OXR1: variants seen among roughly 807,000 people sequenced by gnomAD.
OXR1 encodes the protein oxidation resistance 1, also known as oxidation resistance protein 1.
Under a neutral mutation model 104.6 loss-of-function variants are expected in OXR1, and 41 were observed. The ratio of observed to expected loss-of-function variants is 0.39; its 90% CI spans 0.31 to 0.51. The LOEUF is 0.51. Ranked by LOEUF, OXR1 falls within the 20% of genes least tolerant of loss-of-function variation. The pLI is 0.77. For synonymous variants in OXR1, 348 were observed against 348.4 expected, an observed-to-expected ratio of 1.00 and a Z score of 0.01; for missense variants, 955 against 1,031.9, an observed-to-expected ratio of 0.93 and a Z score of 1.02.
intron 1 of OXR1, among the ~76,000 whole-genome samples, chr8:106,276,092 A>G (rs1008845368): frequency 2.0e-5 from 3 of 152,128 alleles, no homozygotes; most frequent in African/African-American, 7.2e-5. Flanking sequence ...CTGGGCTCAG[A>G]TGGCTGATGT....
intron 3 of OXR1, among the ~76,000 whole-genome samples, chr8:106,656,956 A>C (rs1227526140): frequency 6.6e-6 from 1 of 152,102 alleles, no homozygotes; most frequent in Non-Finnish European, 1.5e-5. Context: ...AAGTAATTCA[A>C]ATCTTTTTCC....
At chr8:106,459,567 C>T (rs916581339) in intron 2 of OXR1, among the ~76,000 whole-genome samples, 28 of 152,122 alleles carry the variant, frequency 1.8e-4, no homozygotes, top group African/African-American at 6.0e-4. Context: ...TTCCTTCTAA[C>T]TATCTAGCTT....
chr8:106,410,152 C>T (rs186778517), intron 2 of OXR1, among the ~76,000 whole-genome samples: 1 of 152,218 alleles, frequency 6.6e-6, no homozygotes, highest in African/African-American at 2.4e-5. Flanking sequence ...TGCACTTGGC[C>T]TCATCCATTT....
chr8:106,714,245 A>G (rs1191198665), intron 11 of OXR1, among the ~76,000 whole-genome samples: 1 of 152,028 alleles, frequency 6.6e-6, no homozygotes, highest in Non-Finnish European at 1.5e-5. Context: ...CTTATAGAAT[A>G]TTTAGTTTAG....
intron 3 of OXR1, among the ~76,000 whole-genome samples, chr8:106,537,218 AAT>A (rs1814604147): frequency 6.6e-6 from 1 of 152,096 alleles, no homozygotes; most frequent in South Asian, 2.1e-4. Flanking sequence ...ATTCAGCTTC[AAT>A]ATATGAATTT....
chr8:106,430,626 A>C (rs1026924619), intron 2 of OXR1, among the ~76,000 whole-genome samples: 1 of 152,324 alleles, frequency 6.6e-6, no homozygotes, highest in Admixed American at 6.5e-5. Context: ...TTTTAGAACC[A>C]GTACTTCAGT....
At chr8:106,477,457 ATGTT>A (rs1472248780) in intron 2 of OXR1, among the ~76,000 whole-genome samples, 4 of 152,022 alleles carry the variant, frequency 2.6e-5, no homozygotes, top group African/African-American at 7.2e-5. Flanking sequence ...CTGCATCTTT[ATGTT>A]TGTTTACTTT....
intron 3 of OXR1, among the ~76,000 whole-genome samples, chr8:106,551,827 C>CACACATAT (rs751692564): frequency 1.2e-3 from 176 of 141,738 alleles, no homozygotes; most frequent in African/African-American, 4.3e-3. Flanking sequence ...CACACACACA[C>CACACATAT]ATATATATAT....
chr8:106,569,368 G>A (rs1817304323), intron 3 of OXR1, among the ~76,000 whole-genome samples: 2 of 152,114 alleles, frequency 1.3e-5, no homozygotes, highest in Non-Finnish European at 2.9e-5. Context: ...TTCTCTAAAA[G>A]ATTATATCAA....
chr8:106,349,827 A>C (rs1028396266), intron 1 of OXR1, among the ~76,000 whole-genome samples: 1 of 152,178 alleles, frequency 6.6e-6, no homozygotes, highest in Non-Finnish European at 1.5e-5. Flanking sequence ...CTATAGAGGC[A>C]CAGGTGCACT....
At chr8:106,336,873 G>A (rs1814989593) in intron 1 of OXR1, among the ~76,000 whole-genome samples, 1 of 152,072 alleles carries the variant, frequency 6.6e-6, no homozygotes, top group Non-Finnish European at 1.5e-5. Flanking sequence ...TAAACCCATG[G>A]CTTATGGCAT....
intron 2 of OXR1, among the ~76,000 whole-genome samples, chr8:106,404,955 T>C (rs541354166): frequency 2.0e-5 from 3 of 152,126 alleles, no homozygotes; most frequent in Admixed American, 2.0e-4. Context: ...TCCACCCGCG[T>C]CAGCCTCCCA....
intron 3 of OXR1, among the ~76,000 whole-genome samples, chr8:106,593,172 C>A (rs968192949): frequency 6.6e-6 from 1 of 152,172 alleles, no homozygotes; most frequent in Non-Finnish European, 1.5e-5. Context: ...TGACTGCCTA[C>A]CTCACGGACT....
At chr8:106,437,681 C>T (rs1232891513) in intron 2 of OXR1, among the ~76,000 whole-genome samples, 1 of 152,172 alleles carries the variant, frequency 6.6e-6, no homozygotes, top group Non-Finnish European at 1.5e-5. Context: ...TGGGTTCTAA[C>T]TTTCTGAGAT....
chr8:106,570,086 C>G (rs577599475), intron 3 of OXR1, among the ~76,000 whole-genome samples: 1 of 152,240 alleles, frequency 6.6e-6, no homozygotes, highest in East Asian at 1.9e-4. Context: ...GGCCATGATT[C>G]TTGCTTGTGT....
chr8:106,424,765 C>A (rs904871863), intron 2 of OXR1, among the ~76,000 whole-genome samples: 26 of 151,974 alleles, frequency 1.7e-4, no homozygotes, highest in African/African-American at 5.6e-4. Flanking sequence ...TTTCCTTGGA[C>A]TCTATTTTTG....
rs190486253 is a variant in OXR1, at chr8:106,594,304, T to C, written c.220+75165T>C. Among the ~76,000 whole-genome samples the C allele has an allele frequency of 6.6e-5, 10 of 152,324 alleles. No homozygotes were observed. In the East Asian group the frequency reaches 1.9e-3, roughly 29 times the overall value. On this transcript the variant is annotated intron_variant, in intron 3 of 16. Transcript: ENST00000517566. The stretch of plus-strand genomic sequence containing the variant: ...ATAAGGGTATGTCAGCACCAATGTT[T>C]CTATGTAAGAGGACCTCCTTGTCAT...
intron 3 of OXR1, among the ~76,000 whole-genome samples, chr8:106,538,917 C>T (rs138064810): frequency 4.5e-4 from 68 of 152,216 alleles, no homozygotes; most frequent in African/African-American, 1.6e-3. Flanking sequence ...AAACCTTATG[C>T]CGTAGGTTTT....
intron 1 of OXR1, among the ~76,000 whole-genome samples, chr8:106,306,396 T>C (rs1290137107): frequency 1.3e-5 from 2 of 152,084 alleles, no homozygotes; most frequent in African/African-American, 2.4e-5. Flanking sequence ...AAGCAGGTAA[T>C]AGGGAGGAGC....
Sources: gnomAD v4.1 joint callset for allele counts (sites outside exome capture counted in the v4.1 genomes callset) on GRCh38, gnomAD v4.1.1 for gene constraint, MANE v1.5 for transcripts, NCBI Gene and HGNC (gene_info 2026-07-23, HGNC 2026-07-21) for gene names.